Variants in ARHGEF17 observed in about 807,000 individuals in gnomAD.
ARHGEF17 encodes Rho guanine nucleotide exchange factor 17, also known as 164 kDa Rho-specific guanine-nucleotide exchange factor.
ARHGEF17 carries 80 observed loss-of-function variants against 174.0 expected under a neutral mutation model. The observed-to-expected ratio is 0.46, with a 90% confidence interval of 0.38 to 0.55. ARHGEF17 has a LOEUF of 0.55. ARHGEF17 is among the 20% of genes least tolerant of loss of function. The probability of loss-of-function intolerance (pLI) is 0.00; values close to 1 mark genes in which losing one functional copy is unlikely to be tolerated. For missense variants in ARHGEF17, 2,886 were observed against 2,839.7 expected (o/e 1.02, Z -0.37); for synonymous variants, 1,311 against 1,189.1 (o/e 1.10, Z -2.11).
rs1231664296 is a variant in ARHGEF17, at chr11:73,359,854, C to T, written c.4108C>T (p.Arg1370Trp). 6 of 1,611,564 alleles carry T rather than the reference C, an allele frequency of 3.7e-6. No individual in the cohort carries two copies. The highest frequency in any genetic ancestry group is 2.2e-5 in the East Asian group (1 of 44,816). Residue 1370 changes from arginine (R) to tryptophan (W), a missense_variant, in exon 10 of 21, where the codon CGG (arginine) becomes TGG (tryptophan). Around this residue, in one of 4 missense-constraint regions of ARHGEF17, gnomAD observed 353 missense variants for 470.3 expected, o/e 0.75. Transcript: ENST00000263674. Reference sequence around the variant, plus strand: ...TCTAGGGGCATCCCAAGCCACCAATCGGGAGAACATCCAGAAGGCCATCAG... The same window carrying T: ...TCTAGGGGCATCCCAAGCCACCAATTGGGAGAACATCCAGAAGGCCATCAG... Reference protein sequence around the residue: ...IIKGASQATNRENIQKAISRL... With the variant: ...IIKGASQATNWENIQKAISRL...
Position 73,311,542 on chromosome 11 carries a change from T to G in ARHGEF17, c.2904T>G (p.Pro968=). 1 of 1,613,510 alleles carries G rather than the reference T, an allele frequency of 6.2e-7. No individual in the cohort carries two copies. Among genetic ancestry groups the G allele is most frequent in the Non-Finnish European group, 8.5e-7 (1 of 1,180,034 alleles). Residue 968 remains proline, a synonymous_variant, in exon 1 of 21, where the codon CCT becomes CCG. Transcript: ENST00000263674. ...RHASVPATFM[P]IVVPEPPTSV... is the part of the protein sequence containing the mutation. ...CCAGTGTGCCCGCCACATTTATGCC[T>G]ATTGTGGTGCCTGAGCCACCAACTT...
At chr11:73,346,824 A>C in intron 1 of ARHGEF17, 59 bp from the exon 2 acceptor site, 1 of 1,312,126 alleles carries the variant, frequency 7.6e-7, no homozygotes, top group Middle Eastern at 2.0e-4. Context: ...ATGTGGCTAC[A>C]GGTGATGGGG....
chr11:73,349,667 T>C (rs1168232846), intron 2 of ARHGEF17, among the ~76,000 whole-genome samples: 4 of 152,106 alleles, frequency 2.6e-5, no homozygotes, highest in Non-Finnish European at 5.9e-5. Context: ...CACCCATGCC[T>C]GTTCACAGGC....
At chr11:73,348,216 C>CCATT (rs1358877093) in intron 2 of ARHGEF17, among the ~76,000 whole-genome samples, 5 of 152,168 alleles carry the variant, frequency 3.3e-5, no homozygotes, top group Non-Finnish European at 5.9e-5. Flanking sequence ...CACTCACTCA[C>CCATT]CATTCATTCA....
chr11:73,328,210 C>T (rs1865135331), intron 1 of ARHGEF17, among the ~76,000 whole-genome samples: 1 of 152,148 alleles, frequency 6.6e-6, no homozygotes, highest in African/African-American at 2.4e-5. Flanking sequence ...GGGGGATGAG[C>T]TGAGCTCCCT....
intron 1 of ARHGEF17, among the ~76,000 whole-genome samples, chr11:73,339,864 G>A (rs1473231622): frequency 6.6e-6 from 1 of 152,084 alleles, no homozygotes; most frequent in Non-Finnish European, 1.5e-5. Flanking sequence ...GGGAGAAGAG[G>A]TGTTTATGGT....
intron 9 of ARHGEF17, among the ~76,000 whole-genome samples, chr11:73,359,108 T>G (rs1565207588): frequency 6.6e-6 from 1 of 152,244 alleles, no homozygotes; most frequent in Non-Finnish European, 1.5e-5. Context: ...TGCCTTACCA[T>G]TCTGCAACCT....
At chr11:73,343,786 T>G (rs762312854) in intron 1 of ARHGEF17, among the ~76,000 whole-genome samples, 7 of 152,168 alleles carry the variant, frequency 4.6e-5, no homozygotes, top group Non-Finnish European at 7.4e-5. Context: ...TTCCCTGTCT[T>G]TGTGTGTCTC....
At chr11:73,334,157 T>C (rs1865252285) in intron 1 of ARHGEF17, among the ~76,000 whole-genome samples, 1 of 152,180 alleles carries the variant, frequency 6.6e-6, no homozygotes, top group Admixed American at 6.5e-5. Flanking sequence ...GCCTGACATA[T>C]AGTAGGTCTT....
rs781113336 is a variant in ARHGEF17, at chr11:73,311,079, TG to T, written c.2443del (p.Asp815ThrfsTer14). The part of the protein sequence containing the change: ...VQGPGTLGRV[V>X]DDRIAGKAPK... ...GGGCCTGGCACCCTGGGGCGTGTGG[TG>T]GACGACAGGATTGCTGGCAAAGCCC... is the stretch of plus-strand genomic sequence containing the variant. On this transcript the variant is annotated frameshift_variant, in exon 1 of 21. Coordinates refer to ENST00000263674, the MANE Select transcript of ARHGEF17 (RefSeq NM_014786.4). LOFTEE classifies it high-confidence loss of function. 1.2e-6 allele frequency: 2 copies of T among 1,611,500 alleles called. No individual in the cohort carries two copies. The highest frequency in any genetic ancestry group is 1.7e-6 in the Non-Finnish European group (2 of 1,177,994).
At chr11:73,314,260 G>A (rs150366406) in intron 1 of ARHGEF17, among the ~76,000 whole-genome samples, 16 of 152,364 alleles carry the variant, frequency 1.1e-4, no homozygotes, top group African/African-American at 1.2e-4. Context: ...ATGGACTCCA[G>A]AATAAGCAGA....
At position 73,341,682 on chromosome 11, in the gene ARHGEF17, C is replaced by T. The variant is rs577713526; in HGVS notation, c.3193-5201C>T. On this transcript the variant is annotated intron_variant, in intron 1 of 20. Coordinates refer to ENST00000263674, the MANE Select transcript of ARHGEF17 (RefSeq NM_014786.4). ...AAAGGCATGGGCCAAGACCCTGAGGCAGGAGAGGGCATGGTCAGTTTCTGG... is the reference window on the plus strand; with the variant it reads ...AAAGGCATGGGCCAAGACCCTGAGGTAGGAGAGGGCATGGTCAGTTTCTGG... 7.9e-5 allele frequency among the ~76,000 whole-genome samples: 12 copies of T among 152,334 alleles called. No individual in the cohort carries two copies. In the South Asian group the frequency reaches 2.5e-3, roughly 32 times the overall value.
intron 1 of ARHGEF17, among the ~76,000 whole-genome samples, chr11:73,321,778 C>A (rs1464223158): frequency 6.6e-6 from 1 of 152,156 alleles, no homozygotes; most frequent in African/African-American, 2.4e-5. Flanking sequence ...ATTGTGACTT[C>A]TTGGTTCTGA....
chr11:73,334,939 G>C (rs1295891118), intron 1 of ARHGEF17, among the ~76,000 whole-genome samples: 2 of 152,232 alleles, frequency 1.3e-5, no homozygotes, highest in African/African-American at 4.8e-5. Flanking sequence ...GAACGGTGGT[G>C]GTCCTGGGCC....
chr11:73,338,016 C>T (rs1398172676), intron 1 of ARHGEF17, among the ~76,000 whole-genome samples: 1 of 152,196 alleles, frequency 6.6e-6, no homozygotes, highest in African/African-American at 2.4e-5. Context: ...ATTATGGAGC[C>T]CACCCTGAGC....
At chr11:73,346,839 G>C (rs941489355) in intron 1 of ARHGEF17, 44 bp from the exon 2 acceptor site, 1 of 1,399,302 alleles carries the variant, frequency 7.1e-7, no homozygotes, top group African/African-American at 1.5e-5. Context: ...ATGGGGTCTG[G>C]GGGGAAAAAG....
intron 20 of ARHGEF17, 65 bp from the exon 21 acceptor site, chr11:73,367,519 G>GC: frequency 7.1e-7 from 1 of 1,405,632 alleles, no homozygotes. Context: ...GGGAATTCAG[G>GC]CCCCGATGGG....
rs114112501 is a variant in ARHGEF17 at position 73,333,409 on chromosome 11, C to T, written c.3193-13474C>T. Among the ~76,000 whole-genome samples the T allele has an allele frequency of 7.5e-4, 115 of 152,398 alleles. 2 individuals carry two copies. The highest frequency in any genetic ancestry group is 2.7e-3 in the African/African-American group (111 of 41,596). ...TCACACGTAACTATCGCTGTCCAGG[C>T]ATTAGGGCTGGTCACCATTGGTGGA... On this transcript the variant is annotated intron_variant, in intron 1 of 20. Transcript: ENST00000263674.
At chr11:73,364,416 T>C (rs1239710653) in intron 17 of ARHGEF17, 36 bp from the exon 18 acceptor site, 3 of 1,612,578 alleles carry the variant, frequency 1.9e-6, no homozygotes, top group African/African-American at 2.7e-5. Flanking sequence ...AATTTAGAAC[T>C]GGAGTGAATT....
Sources: gnomAD v4.1 joint callset for allele counts (sites outside exome capture counted in the v4.1 genomes callset) on GRCh38, gnomAD v4.1.1 for gene constraint, gnomAD v4.1.1 regional missense constraint, MANE v1.5 for transcripts, NCBI Gene and HGNC (gene_info 2026-07-23, HGNC 2026-07-21) for gene names.